GRIK1: variants seen among roughly 807,000 people sequenced by gnomAD.
The protein encoded by GRIK1 is glutamate ionotropic receptor kainate type subunit 1.
GRIK1 carries 69 observed loss-of-function variants against 105.7 expected under a neutral mutation model. The observed-to-expected ratio is 0.65, with a 90% CI of 0.54 to 0.80. The LOEUF (loss-of-function observed/expected upper bound fraction) is 0.80, where lower values mean the gene tolerates loss of function less well. Ranked by LOEUF, GRIK1 falls within the 30% of genes least tolerant of loss-of-function variation. The probability of loss-of-function intolerance (pLI) is 0.00; values close to 1 mark genes in which losing one functional copy is unlikely to be tolerated. For synonymous variants in GRIK1, 438 were observed against 431.3 expected (o/e 1.02, Z -0.19); for missense variants, 1,109 against 1,167.3 (o/e 0.95, Z 0.73).
chr21:29,845,751 T>A (rs1200363959), intron 1 of GRIK1, among the ~76,000 whole-genome samples: 1 of 152,222 alleles, frequency 6.6e-6, no homozygotes, highest in African/African-American at 2.4e-5. Flanking sequence ...TACACCCATG[T>A]TCCATATTGG....
chr21:29,880,944 G>T (rs1265119207), intron 1 of GRIK1, among the ~76,000 whole-genome samples: 1 of 152,132 alleles, frequency 6.6e-6, no homozygotes, highest in Admixed American at 6.6e-5. Context: ...ATAAGGTGAA[G>T]ATCTCTGAGG....
At chr21:29,893,097 G>A (rs7282603) in intron 1 of GRIK1, among the ~76,000 whole-genome samples, 2,349 of 152,220 alleles carry the variant, frequency 0.015, 59 homozygotes, top group African/African-American at 0.047. Flanking sequence ...TGTTGAAATT[G>A]GATGGAAATT....
chr21:29,599,035 A>G, intron 7 of GRIK1, 98 bp from the exon 8 acceptor site: 3 of 625,052 alleles, frequency 4.8e-6, no homozygotes, highest in Non-Finnish European at 8.5e-6. Context: ...ACAGTATCCA[A>G]TTATTTGTTT....
intron 8 of GRIK1, chr21:29,596,852 T>G (rs1601218369): frequency 4.6e-6 from 2 of 438,740 alleles, no homozygotes; most frequent in Non-Finnish European, 8.5e-6. Context: ...TATACAGGTA[T>G]GCTGCAGTAT....
chr21:29,897,507 C>T (rs2070214761), intron 1 of GRIK1, among the ~76,000 whole-genome samples: 1 of 152,078 alleles, frequency 6.6e-6, no homozygotes. Flanking sequence ...AATTAGTTAC[C>T]CTTGTTTCTC....
At chr21:29,624,446 A>G (rs1334016757) in intron 7 of GRIK1, among the ~76,000 whole-genome samples, 1 of 152,176 alleles carries the variant, frequency 6.6e-6, no homozygotes, top group East Asian at 1.9e-4. Context: ...CATTGCCTTT[A>G]CTCTTATTAA....
chr21:29,741,032 C>T (rs79654608), intron 1 of GRIK1, among the ~76,000 whole-genome samples: 8,940 of 152,260 alleles, frequency 0.059, 299 homozygotes, highest in Non-Finnish European at 0.066. Flanking sequence ...TCTGTACTAC[C>T]AGGGCGATGT....
At chr21:29,837,655 A>G (rs1461746765) in intron 1 of GRIK1, among the ~76,000 whole-genome samples, 1 of 152,220 alleles carries the variant, frequency 6.6e-6, no homozygotes, top group Non-Finnish European at 1.5e-5. Context: ...TTAAATCTAA[A>G]TATTTTAGAA....
chr21:29,837,428 T>C (rs1178568835), intron 1 of GRIK1, among the ~76,000 whole-genome samples: 2 of 152,194 alleles, frequency 1.3e-5, no homozygotes, highest in Non-Finnish European at 2.9e-5. Flanking sequence ...TAGATATTTA[T>C]AACTCATTGT....
At chr21:29,833,615 C>T (rs2145973731) in intron 1 of GRIK1, among the ~76,000 whole-genome samples, 1 of 152,222 alleles carries the variant, frequency 6.6e-6, no homozygotes, top group Admixed American at 6.5e-5. Flanking sequence ...TATAAACAAG[C>T]ATATCTCATG....
At chr21:29,830,295 C>T (rs1217768622) in intron 1 of GRIK1, among the ~76,000 whole-genome samples, 1 of 143,662 alleles carries the variant, frequency 7.0e-6, no homozygotes, top group Non-Finnish European at 1.5e-5. Context: ...AGATACACAC[C>T]CACCCACCTC....
At chr21:29,592,812 C>T (rs984004570) in intron 9 of GRIK1, among the ~76,000 whole-genome samples, 1 of 152,072 alleles carries the variant, frequency 6.6e-6, no homozygotes, top group African/African-American at 2.4e-5. Context: ...GGAATCTGGA[C>T]TCATTTTTTT....
chr21:29,873,149 T>C (rs2069078207), intron 1 of GRIK1, among the ~76,000 whole-genome samples: 1 of 152,220 alleles, frequency 6.6e-6, no homozygotes, highest in Non-Finnish European at 1.5e-5. Context: ...CTTAGAAATC[T>C]CATAGTTTGT....
At position 29,827,980 on chromosome 21, in the gene GRIK1, T is replaced by C. The variant is rs894499904; in HGVS notation, c.118+111403A>G. Reference sequence around the variant, plus strand: ...CTTTCTATAATATAGTTAGGATCTCTCTCTCTCTCTCTCTCTCTCTCTGTC... The same window carrying C: ...CTTTCTATAATATAGTTAGGATCTCCCTCTCTCTCTCTCTCTCTCTCTGTC... On this transcript the variant is annotated intron_variant, in intron 1 of 17. Coordinates refer to ENST00000327783, the MANE Select transcript of GRIK1 (RefSeq NM_001330994.2). Among the ~76,000 whole-genome samples the C allele has an allele frequency of 1.8e-3, 214 of 116,502 alleles. 1 individual carries two copies. The highest frequency in any genetic ancestry group is 8.8e-3 in the Middle Eastern group (2 of 228). The allele number at this position is 116,502 out of a possible 152,430, so 76.4% of individuals were successfully genotyped here.
chr21:29,900,475 A>AAAAAAAAAAAAAAC, intron 1 of GRIK1, among the ~76,000 whole-genome samples: 1 of 151,118 alleles, frequency 6.6e-6, no homozygotes, highest in Non-Finnish European at 1.5e-5. Context: ...AAAAAAAAAA[A>AAAAAAAAAAAAAAC]AAAAGCAAGG....
At chr21:29,788,263 T>C (rs1419181910) in intron 1 of GRIK1, among the ~76,000 whole-genome samples, 1 of 151,520 alleles carries the variant, frequency 6.6e-6, no homozygotes, top group African/African-American at 2.4e-5. Context: ...GTTATGAGAG[T>C]GATTGTGTTA....
At chr21:29,788,201 T>C (rs572270683) in intron 1 of GRIK1, among the ~76,000 whole-genome samples, 15 of 152,342 alleles carry the variant, frequency 9.8e-5, no homozygotes, top group Non-Finnish European at 1.8e-4. Context: ...CAGATTGTGA[T>C]AAGTCCCACA....
At chr21:29,798,373 C>G (rs539534784) in intron 1 of GRIK1, among the ~76,000 whole-genome samples, 1 of 152,170 alleles carries the variant, frequency 6.6e-6, no homozygotes, top group Non-Finnish European at 1.5e-5. Flanking sequence ...CCAGGATTAT[C>G]GTTCATTACT....
At chr21:29,843,838 T>A (rs2068043553) in intron 1 of GRIK1, among the ~76,000 whole-genome samples, 1 of 152,182 alleles carries the variant, frequency 6.6e-6, no homozygotes, top group Non-Finnish European at 1.5e-5. Context: ...GCTTTGCTGA[T>A]GATTTAAATT....
Sources: allele counts gnomAD v4.1 joint callset (sites outside exome capture counted in the v4.1 genomes callset), GRCh38; gene constraint gnomAD v4.1.1; transcripts MANE v1.5; gene names NCBI Gene and HGNC (gene_info 2026-07-23, HGNC 2026-07-21).